The following STK40 variants were observed in gnomAD, a reference collection of about 807,000 sequenced individuals.
STK40 encodes the protein serine/threonine-protein kinase 40.
In STK40, 13 loss-of-function variants were observed where a neutral mutation model predicts 47.9. The observed-to-expected ratio is 0.27, with a 90% CI of 0.18 to 0.43. The LOEUF (loss-of-function observed/expected upper bound fraction) is 0.43. Among genes scored for constraint, STK40 ranks in the 20% least tolerant of loss-of-function variants. STK40 has a pLI of 1.00. For synonymous variants in STK40, 225 were observed against 243.2 expected (o/e 0.93, Z 0.69); for missense variants, 460 against 595.1 (o/e 0.77, Z 2.36).
chr1:36,350,236 AG>A (rs753122059), intron 6 of STK40, among the ~76,000 whole-genome samples: 7 of 152,210 alleles, frequency 4.6e-5, no homozygotes, highest in African/African-American at 7.2e-5. Context: ...GTCACTGCAA[AG>A]GGTCACTTGC....
chr1:36,342,194 C>T (rs1032479646), intron 10 of STK40: 13 of 576,626 alleles, frequency 2.3e-5, no homozygotes, highest in Admixed American at 9.1e-5. Flanking sequence ...GCCCTGCGGA[C>T]CCGGGACTGA....
intron 1 of STK40, among the ~76,000 whole-genome samples, chr1:36,384,910 C>G (rs1173237777): frequency 6.6e-6 from 1 of 152,248 alleles, no homozygotes; most frequent in Non-Finnish European, 1.5e-5. Flanking sequence ...CTCTTCCCCA[C>G]TGGTTCTCAA....
chr1:36,352,742 C>A (rs1303902621), intron 6 of STK40, among the ~76,000 whole-genome samples: 1 of 152,238 alleles, frequency 6.6e-6, no homozygotes, highest in South Asian at 2.1e-4. Flanking sequence ...CACTGTCCCT[C>A]CACATGTCCC....
At chr1:36,346,499 A>G (rs1646703702) in intron 7 of STK40, among the ~76,000 whole-genome samples, 1 of 152,232 alleles carries the variant, frequency 6.6e-6, no homozygotes, top group Non-Finnish European at 1.5e-5. Context: ...AGAATAAATG[A>G]AAGGGCAGAC....
At chr1:36,347,259 G>C (rs1372963176) in intron 7 of STK40, among the ~76,000 whole-genome samples, 1 of 152,208 alleles carries the variant, frequency 6.6e-6, no homozygotes, top group Non-Finnish European at 1.5e-5. Flanking sequence ...TGTGGGGTGG[G>C]GATGAAGGAT....
At chr1:36,343,544 G>T in intron 9 of STK40, 96 bp from the exon 10 acceptor site, 1 of 1,196,002 alleles carries the variant, frequency 8.4e-7, no homozygotes, top group Non-Finnish European at 1.2e-6. Flanking sequence ...TTGTGTTCCT[G>T]CCATGAGAGA....
At chr1:36,343,806 G>T in intron 9 of STK40, 54 bp downstream of exon 9, 1 of 1,524,102 alleles carries the variant, frequency 6.6e-7, no homozygotes, top group South Asian at 1.3e-5. Flanking sequence ...GGGTAGGATG[G>T]GCAGAGGCCC....
chr1:36,380,957 C>T (rs965110789), intron 1 of STK40, among the ~76,000 whole-genome samples: 13 of 152,268 alleles, frequency 8.5e-5, no homozygotes, highest in South Asian at 6.2e-4. Context: ...TGAGCCATCC[C>T]TATCTCTGCA....
At chr1:36,352,063 T>C (rs1646763731) in intron 6 of STK40, among the ~76,000 whole-genome samples, 1 of 152,174 alleles carries the variant, frequency 6.6e-6, no homozygotes, top group Non-Finnish European at 1.5e-5. Context: ...CAGGACCCAA[T>C]TTCCCAACTT....
intron 1 of STK40, among the ~76,000 whole-genome samples, chr1:36,373,532 G>C (rs1646967616): frequency 6.6e-6 from 1 of 152,182 alleles, no homozygotes; most frequent in Non-Finnish European, 1.5e-5. Flanking sequence ...CTCCCCGGGA[G>C]CTTGGTGGCT....
At chr1:36,375,401 GGAGGCT>G (rs1168203612) in intron 1 of STK40, among the ~76,000 whole-genome samples, 1 of 152,016 alleles carries the variant, frequency 6.6e-6, no homozygotes, top group Non-Finnish European at 1.5e-5. Context: ...CAGCTACTCA[GGAGGCT>G]GAGGCAGGAG....
chr1:36,372,423 CAAAAAAAAAAAAAA>C (rs796595993), intron 1 of STK40, among the ~76,000 whole-genome samples: 2 of 39,608 alleles, frequency 5.0e-5, no homozygotes, highest in East Asian at 1.4e-3. Context: ...GACCTTGTCT[CAAAAAAAAAAAAAA>C]AAAAAAAAAA....
chr1:36,354,488 G>A, intron 5 of STK40, 72 bp from the exon 6 acceptor site: 1 of 1,528,888 alleles, frequency 6.5e-7, no homozygotes, highest in Non-Finnish European at 9.1e-7. Context: ...CTGTAAGATG[G>A]GGGCTCTCCA....
chr1:36,347,699 C>T (rs1235364807), intron 7 of STK40, among the ~76,000 whole-genome samples: 2 of 150,276 alleles, frequency 1.3e-5, no homozygotes, highest in Non-Finnish European at 2.9e-5. Flanking sequence ...GTTGCCCAGG[C>T]TGGAGTGCAG....
At chr1:36,359,119 G>C (rs1427833368) in intron 2 of STK40, among the ~76,000 whole-genome samples, 1 of 152,164 alleles carries the variant, frequency 6.6e-6, no homozygotes, top group East Asian at 1.9e-4. Context: ...AAAAACAAGA[G>C]ATCCAGGCTG....
At chr1:36,366,442 G>A (rs947714225) in intron 1 of STK40, among the ~76,000 whole-genome samples, 4 of 152,184 alleles carry the variant, frequency 2.6e-5, no homozygotes, top group African/African-American at 9.7e-5. Flanking sequence ...CTGAAGCAAA[G>A]GAAGCGTCAT....
In STK40 at chr1:36,358,776, C is replaced by T; in HGVS notation, c.159G>A (p.Leu53=). The T allele has an allele frequency of 1.7e-5, 27 of 1,614,180 alleles. No homozygotes were observed. The highest frequency in any genetic ancestry group is 2.2e-5 in the Non-Finnish European group (26 of 1,180,036). ...NSPVPSIVQC[L]ARKDGTDDFY... ...AGTCATCCGTGCCATCTTTCCTCGC[C>T]AAACACTGCACTATGCTTGGCACCG... Residue 53 remains leucine (L), a synonymous_variant, in exon 3 of 11, where the codon TTG becomes TTA. Transcript: ENST00000373132.
At chr1:36,382,145 C>T (rs758022206) in intron 1 of STK40, among the ~76,000 whole-genome samples, 7 of 152,028 alleles carry the variant, frequency 4.6e-5, no homozygotes, top group Non-Finnish European at 8.8e-5. Context: ...AGCAGGGACA[C>T]ACAGAGAAGA....
chr1:36,363,528 C>G (rs920777319), intron 1 of STK40, among the ~76,000 whole-genome samples: 4 of 151,916 alleles, frequency 2.6e-5, no homozygotes, highest in Non-Finnish European at 4.4e-5. Context: ...AAGAATTAGC[C>G]GGGCGCAGTG....
Sources: gnomAD v4.1 joint callset for allele counts (sites outside exome capture counted in the v4.1 genomes callset) on GRCh38, gnomAD v4.1.1 for gene constraint, MANE v1.5 for transcripts, NCBI Gene and HGNC (gene_info 2026-07-23, HGNC 2026-07-21) for gene names.